The following COX14 variants were observed in gnomAD, a reference collection of about 807,000 sequenced individuals.
COX14 encodes the protein cytochrome c oxidase assembly protein COX14.
A neutral mutation model predicts 5.8 loss-of-function variants in COX14; 3 were observed. The observed-to-expected ratio is 0.51, with a 90% CI of 0.23 to 1.33. COX14 has a LOEUF of 1.33. Ranked by LOEUF, COX14 falls within the 40% of genes most tolerant of loss-of-function variation. COX14 has a pLI of 0.18. For missense variants in COX14, 72 were observed against 72.1 expected (o/e 1.00, Z 0.01); for synonymous variants, 25 against 26.1 (o/e 0.96, Z 0.13).
chr12:50,114,877 C>T (rs1425654869), intron 1 of COX14, among the ~76,000 whole-genome samples: 1 of 137,746 alleles, frequency 7.3e-6, no homozygotes, highest in Non-Finnish European at 1.5e-5. Flanking sequence ...AAGCAATTCT[C>T]CTGCGTCAGC....
rs149858137 is a variant in COX14, at chr12:50,120,392, T to G, written c.*175T>G. ...CAGTTTGACAGTTTATGGAGGCTTT[T>G]GAATCGTAATAGCAATGTGAGGGTG... is the stretch of plus-strand genomic sequence containing the variant. On this transcript the variant is annotated 3_prime_UTR_variant, in exon 2 of 2. Coordinates refer to ENST00000550487, the MANE Select transcript of COX14 (RefSeq NM_032901.4). 9 of 595,010 alleles carry G rather than the reference T, an allele frequency of 1.5e-5. No homozygotes were observed. The highest frequency in any genetic ancestry group is 4.6e-4 in the Middle Eastern group (1 of 2,166). The allele number at this position is 595,010 out of a possible 1,614,324, so 36.9% of individuals were successfully genotyped here. A position where few individuals can be genotyped will look rare whatever the true frequency, so the allele number is the denominator to read the frequency against.
chr12:50,112,526 C>G, intron 1 of COX14: 2 of 961,996 alleles, frequency 2.1e-6, no homozygotes, highest in Non-Finnish European at 2.5e-6. Context: ...CAGCGCTAAT[C>G]CTGTCAAACC....
chr12:50,117,787 CAGGCTGG>C (rs1412485375), intron 1 of COX14, among the ~76,000 whole-genome samples: 2 of 147,816 alleles, frequency 1.4e-5, no homozygotes, highest in African/African-American at 5.0e-5. Flanking sequence ...GCTCTGTCAC[CAGGCTGG>C]AGTGCAGTGG....
rs759102642 is a variant in COX14 at position 50,120,175 on chromosome 12, G to C, written c.132G>C (p.Gln44His). The change falls in exon 2 of 2, where the codon CAG becomes CAC. Residue 44 changes from glutamine to histidine, a missense_variant. Coordinates refer to ENST00000550487, the MANE Select transcript of COX14 (RefSeq NM_032901.4). ...VYHYFQWRRA[Q>H]RQAAEEQKTS... Reference sequence around the variant, plus strand: ...ACTATTTCCAGTGGCGCAGGGCCCAGCGCCAGGCCGCAGAAGAACAGAAGA... The same window carrying C: ...ACTATTTCCAGTGGCGCAGGGCCCACCGCCAGGCCGCAGAAGAACAGAAGA... 1 of 1,614,200 alleles carries C rather than the reference G, an allele frequency of 6.2e-7. No individual in the cohort carries two copies. The highest frequency in any genetic ancestry group is 1.1e-5 in the South Asian group (1 of 91,088).
intron 1 of COX14, chr12:50,118,376 C>A: frequency 1.0e-6 from 1 of 973,194 alleles, no homozygotes; most frequent in Non-Finnish European, 1.2e-6. Flanking sequence ...ACAGTCTTGC[C>A]TTTCACTGCA....
At position 50,120,227 on chromosome 12, in the gene COX14, G is replaced by A. The variant is rs1243874986; in HGVS notation, c.*10G>A. 1.2e-6 allele frequency: 2 copies of A among 1,611,078 alleles called. No homozygotes were observed. The highest frequency in any genetic ancestry group is 1.3e-5 in the African/African-American group (1 of 74,708). ...CTCAGGAATCATGTAGAACTGGGGGGCTTTTTCTCCTGAGCAGAGAGGCCC... is the reference window on the plus strand; with the variant it reads ...CTCAGGAATCATGTAGAACTGGGGGACTTTTTCTCCTGAGCAGAGAGGCCC... On this transcript the variant is annotated 3_prime_UTR_variant, in exon 2 of 2. Coordinates refer to ENST00000550487, the MANE Select transcript of COX14 (RefSeq NM_032901.4).
At chr12:50,119,580 G>A (rs1167552919) in intron 1 of COX14, among the ~76,000 whole-genome samples, 1 of 152,206 alleles carries the variant, frequency 6.6e-6, no homozygotes, top group Non-Finnish European at 1.5e-5. Flanking sequence ...TGTAGCGTCA[G>A]CTACTTGGGA....
chr12:50,113,689 G>T (rs1951051965), intron 1 of COX14, among the ~76,000 whole-genome samples: 1 of 152,118 alleles, frequency 6.6e-6, no homozygotes, highest in East Asian at 1.9e-4. Flanking sequence ...CTGGAGTACA[G>T]TGGCGCGATC....
At chr12:50,119,919 G>C in intron 1 of COX14, 117 bp from the exon 2 acceptor site, 1 of 780,736 alleles carries the variant, frequency 1.3e-6, no homozygotes, top group Non-Finnish European at 2.3e-6. Context: ...GGGCCATTCA[G>C]TATAGAGTGC....
intron 1 of COX14, among the ~76,000 whole-genome samples, chr12:50,113,403 A>T (rs1037128032): frequency 6.8e-6 from 1 of 146,718 alleles, no homozygotes; most frequent in Non-Finnish European, 1.5e-5. Flanking sequence ...TTCCGGGTTC[A>T]TGCCATTCTC....
intron 1 of COX14, among the ~76,000 whole-genome samples, chr12:50,114,822 C>T (rs1204633620): frequency 1.6e-5 from 2 of 122,336 alleles, no homozygotes; most frequent in African/African-American, 3.1e-5. Context: ...CTCACTCTGT[C>T]GCCAGGCTGG....
intron 1 of COX14, among the ~76,000 whole-genome samples, chr12:50,118,899 C>T (rs570440427): frequency 2.4e-4 from 36 of 152,222 alleles, no homozygotes; most frequent in African/African-American, 8.4e-4. Flanking sequence ...CAGAGTAGCA[C>T]CTAGGAACAC....
At chr12:50,114,829 C>T (rs1211996118) in intron 1 of COX14, among the ~76,000 whole-genome samples, 5 of 112,920 alleles carry the variant, frequency 4.4e-5, no homozygotes, top group African/African-American at 1.4e-4. Context: ...TGTCGCCAGG[C>T]TGGAGTACAG....
chr12:50,116,490 A>T (rs1464112950), intron 1 of COX14, among the ~76,000 whole-genome samples: 2 of 152,214 alleles, frequency 1.3e-5, no homozygotes, highest in African/African-American at 4.8e-5. Flanking sequence ...TATGTCTGTT[A>T]GTTGGTTTTA....
intron 1 of COX14, among the ~76,000 whole-genome samples, chr12:50,117,082 T>C (rs1951086712): frequency 6.6e-6 from 1 of 152,144 alleles, no homozygotes; most frequent in South Asian, 2.1e-4. Context: ...CGATCTCAGC[T>C]CACTGTAGCC....
chr12:50,114,330 A>G (rs1229495443), intron 1 of COX14, among the ~76,000 whole-genome samples: 4 of 150,404 alleles, frequency 2.7e-5, no homozygotes, highest in Non-Finnish European at 5.9e-5. Context: ...GCTCACCACA[A>G]CCTCCGCCTC....
At chr12:50,114,606 C>A (rs932324268) in intron 1 of COX14, among the ~76,000 whole-genome samples, 1 of 151,828 alleles carries the variant, frequency 6.6e-6, no homozygotes, top group African/African-American at 2.4e-5. Flanking sequence ...TGAACTGTTG[C>A]TCCCTTGGCC....
chr12:50,117,362 T>C (rs1306318412), intron 1 of COX14, among the ~76,000 whole-genome samples: 2 of 152,048 alleles, frequency 1.3e-5, no homozygotes, highest in Non-Finnish European at 2.9e-5. Context: ...TGTGTGTGTG[T>C]GCGTGGCCAT....
At chr12:50,114,488 G>T (rs1258224007) in intron 1 of COX14, among the ~76,000 whole-genome samples, 1 of 152,038 alleles carries the variant, frequency 6.6e-6, no homozygotes, top group Non-Finnish European at 1.5e-5. Context: ...CCAACCTCAG[G>T]TGATCCGCCC....
Sources: allele counts gnomAD v4.1 joint callset (sites outside exome capture counted in the v4.1 genomes callset), GRCh38; gene constraint gnomAD v4.1.1; transcripts MANE v1.5; gene names NCBI Gene and HGNC (gene_info 2026-07-23, HGNC 2026-07-21).